The following EFCAB6 variants were observed in gnomAD, a reference collection of about 807,000 sequenced individuals.
The protein encoded by EFCAB6 is EF-hand calcium binding domain 6, also known as EF-hand calcium-binding domain-containing protein 6.
EFCAB6 carries 156 observed loss-of-function variants against 169.8 expected under a neutral mutation model. The observed-to-expected ratio is 0.92, with a 90% CI of 0.81 to 1.05. EFCAB6 has a LOEUF of 1.05. Among genes scored for constraint, EFCAB6 ranks in the 50% least tolerant of loss-of-function variants. EFCAB6 has a pLI of 0.00. For synonymous variants in EFCAB6, 698 were observed against 676.4 expected (o/e 1.03, Z -0.50); for missense variants, 1,800 against 1,829.1 (o/e 0.98, Z 0.29).
intron 17 of EFCAB6, among the ~76,000 whole-genome samples, chr22:43,656,535 A>G (rs1266397072): frequency 1.3e-5 from 2 of 152,244 alleles, no homozygotes; most frequent in Non-Finnish European, 2.9e-5. Context: ...CATATACCAC[A>G]GTGATGCCAT....
chr22:43,571,876 C>T (rs2049897811), intron 26 of EFCAB6, among the ~76,000 whole-genome samples: 1 of 152,188 alleles, frequency 6.6e-6, no homozygotes, highest in Admixed American at 6.5e-5. Context: ...GCTGCCCTTC[C>T]AGCCCAGAAA....
chr22:43,576,308 A>G lies in EFCAB6; in HGVS notation c.3409T>C (p.Phe1137Leu). The change falls in exon 26 of 32, where the codon TTC (phenylalanine) becomes CTC (leucine). Residue 1137 changes from phenylalanine (F) to leucine (L), a missense_variant. By Grantham distance (22) the Phe-to-Leu change is conservative. Transcript: ENST00000262726. Reference sequence around the variant, plus strand: ...GCAGACATTCTTACCTCCTCAAGGAAACAGCTAAAGTTCTGGAGAAAATAT... The same window carrying G: ...GCAGACATTCTTACCTCCTCAAGGAGACAGCTAAAGTTCTGGAGAAAATAT... ...WKYFLQNFSC[F>L]LEETADEWAE... The G allele has an allele frequency of 6.3e-7, 1 of 1,583,940 alleles. No homozygotes were observed. Among genetic ancestry groups the G allele is most frequent in the Non-Finnish European group, 8.5e-7 (1 of 1,172,274 alleles).
At chr22:43,738,113 CACAT>C (rs1173588187) in intron 6 of EFCAB6, among the ~76,000 whole-genome samples, 2 of 151,224 alleles carry the variant, frequency 1.3e-5, no homozygotes, top group African/African-American at 2.4e-5. Context: ...CACCATCACA[CACAT>C]ATATTCATAC....
At chr22:43,551,885 T>G (rs1372169553) in intron 27 of EFCAB6, 1 of 150,910 alleles carries the variant, frequency 6.6e-6, no homozygotes. Context: ...TGGAATGCAG[T>G]GGTGTGATCT....
chr22:43,647,348 T>C (rs2056225258), intron 17 of EFCAB6, among the ~76,000 whole-genome samples: 1 of 152,140 alleles, frequency 6.6e-6, no homozygotes, highest in Non-Finnish European at 1.5e-5. Flanking sequence ...CAAAAAGACA[T>C]GATATATTTG....
chr22:43,666,967 C>A (rs1335827656), intron 17 of EFCAB6, 137 bp downstream of exon 17: 6 of 1,126,212 alleles, frequency 5.3e-6, no homozygotes, highest in Admixed American at 5.8e-5. Context: ...AAAAAAAAAT[C>A]CTTTTAAATT....
intron 20 of EFCAB6, among the ~76,000 whole-genome samples, chr22:43,619,577 A>T (rs138861971): frequency 6.6e-6 from 1 of 152,340 alleles, no homozygotes; most frequent in East Asian, 1.9e-4. Context: ...GAAGAAGGAA[A>T]AAGGAAATAA....
intron 9 of EFCAB6, among the ~76,000 whole-genome samples, chr22:43,714,888 G>A (rs148447679): frequency 7.4e-4 from 112 of 152,256 alleles, no homozygotes; most frequent in Non-Finnish European, 1.3e-3. Flanking sequence ...CTGCACTATC[G>A]TGATGCACAT....
chr22:43,768,976 T>C (rs1358985220), intron 4 of EFCAB6, among the ~76,000 whole-genome samples: 1 of 152,214 alleles, frequency 6.6e-6, no homozygotes, highest in African/African-American at 2.4e-5. Flanking sequence ...CCATATGACA[T>C]GGCAGTTCTC....
intron 10 of EFCAB6, among the ~76,000 whole-genome samples, chr22:43,703,186 A>G (rs2058828606): frequency 6.6e-6 from 1 of 152,160 alleles, no homozygotes; most frequent in South Asian, 2.1e-4. Flanking sequence ...GGCAACTGTA[A>G]TGTCCATCCA....
At chr22:43,602,018 T>G (rs2052558439) in intron 22 of EFCAB6, among the ~76,000 whole-genome samples, 1 of 152,226 alleles carries the variant, frequency 6.6e-6, no homozygotes, top group South Asian at 2.1e-4. Flanking sequence ...CCTCCGCTAC[T>G]TTGCAGGCAG....
In EFCAB6 at chr22:43,589,320, A is replaced by AAAAAAAAAAAAAG. The variant is rs1569207678; in HGVS notation, c.3032+753_3032+754insCTTTTTTTTTTTT. Among the ~76,000 whole-genome samples the AAAAAAAAAAAAAG allele has an allele frequency of 1.2e-4, 7 of 59,772 alleles. 1 individual carries two copies. The highest frequency in any genetic ancestry group is 1.8e-4 in the Non-Finnish European group (5 of 27,634). 39.2% of individuals were successfully genotyped at this position (59,772 alleles called of 152,430 possible). ...AAAAAAAAAAAAAAAAAAAAAAAAAAAGAAGTACAGGTACATTCACTATCA... is the reference window on the plus strand; with the variant it reads ...AAAAAAAAAAAAAAAAAAAAAAAAAAAAAAAAAAAAAAGAGAAGTACAGGTACATTCACTATCA... On this transcript the variant is annotated intron_variant, in intron 24 of 31. Coordinates refer to ENST00000262726, the MANE Select transcript of EFCAB6 (RefSeq NM_022785.4).
intron 2 of EFCAB6, among the ~76,000 whole-genome samples, chr22:43,788,404 T>C (rs181634228): frequency 6.6e-6 from 1 of 151,982 alleles, no homozygotes; most frequent in Non-Finnish European, 1.5e-5. Flanking sequence ...AATAACCCAA[T>C]AGAAAAATGG....
At chr22:43,709,061 C>G (rs544696074) in intron 10 of EFCAB6, among the ~76,000 whole-genome samples, 2 of 152,290 alleles carry the variant, frequency 1.3e-5, no homozygotes, top group African/African-American at 2.4e-5. Flanking sequence ...GCAAGTCTTT[C>G]TAGCTTGGGA....
At chr22:43,746,839 T>C (rs571567338) in intron 6 of EFCAB6, among the ~76,000 whole-genome samples, 1 of 152,206 alleles carries the variant, frequency 6.6e-6, no homozygotes, top group African/African-American at 2.4e-5. Context: ...CCCACACTCA[T>C]AGGATGGGTA....
intron 27 of EFCAB6, among the ~76,000 whole-genome samples, chr22:43,540,896 G>C (rs1205810111): frequency 1.3e-5 from 2 of 152,194 alleles, no homozygotes; most frequent in Admixed American, 6.5e-5. Context: ...TGGAAAACCA[G>C]GGAGCGGTTT....
intron 10 of EFCAB6, among the ~76,000 whole-genome samples, chr22:43,703,304 T>C (rs1212053840): frequency 6.6e-6 from 1 of 152,202 alleles, no homozygotes; most frequent in East Asian, 1.9e-4. Flanking sequence ...TGTCTGCCCA[T>C]GGTCATTACC....
chr22:43,684,470 G>GA (rs1199552016), intron 11 of EFCAB6, among the ~76,000 whole-genome samples: 2 of 152,144 alleles, frequency 1.3e-5, no homozygotes, highest in East Asian at 3.9e-4. Flanking sequence ...ACTTGGCTCA[G>GA]AAAGGGAGAC....
In EFCAB6 at chr22:43,537,400, T is replaced by A. The variant is rs1569119671; in HGVS notation, c.4025A>T (p.Asp1342Val). The A allele has an allele frequency of 1.8e-5, 29 of 1,613,816 alleles. No homozygotes were observed. The highest frequency in any genetic ancestry group is 2.5e-5 in the Non-Finnish European group (29 of 1,179,910). The change falls in exon 29 of 32, where the codon GAC (aspartate) becomes GTC (valine). Residue 1342 changes from aspartate to valine, a missense_variant. By Grantham distance (152) the Asp-to-Val change is radical. Coordinates refer to ENST00000262726, the MANE Select transcript of EFCAB6 (RefSeq NM_022785.4). This position sits in a 1 kb window ranked among gnomAD's most constrained non-coding sequence, Gnocchi z 4.3. The part of the protein sequence containing the change: ...CKEKDVARQG[D>V]INASDFLALV... ...ACCCAGGAAATCGGAGGCGTTGATG[T>A]CCCCCTGTCTGGCCACGTCCTTCTC...
Sources: gnomAD v4.1 joint callset for allele counts (sites outside exome capture counted in the v4.1 genomes callset) on GRCh38, gnomAD v4.1.1 for gene constraint, Gnocchi (gnomAD v3.1) non-coding constraint, MANE v1.5 for transcripts, NCBI Gene and HGNC (gene_info 2026-07-23, HGNC 2026-07-21) for gene names.